Variants in LRRC28 observed in about 807,000 individuals in gnomAD.
LRRC28 encodes the protein leucine-rich repeat-containing protein 28.
In LRRC28, 39 loss-of-function variants were observed where a neutral mutation model predicts 45.7. The ratio of observed to expected loss-of-function variants is 0.85; its 90% CI spans 0.66 to 1.12. The LOEUF is 1.12. Among genes scored for constraint, LRRC28 ranks in the 50% most tolerant of loss-of-function variants. The probability of loss-of-function intolerance (pLI) is 0.00; values close to 1 mark genes in which losing one functional copy is unlikely to be tolerated. For synonymous variants in LRRC28, 206 were observed against 178.8 expected, an observed-to-expected ratio of 1.15 and a Z score of -1.22; for missense variants, 435 against 438.5, an observed-to-expected ratio of 0.99 and a Z score of 0.07.
At chr15:99,300,879 T>C (rs931424390) in intron 5 of LRRC28, among the ~76,000 whole-genome samples, 8 of 152,222 alleles carry the variant, frequency 5.3e-5, no homozygotes, top group African/African-American at 1.4e-4. Context: ...GTTGCATATA[T>C]GTCCTGAACC....
At chr15:99,366,858 A>G (rs560083283) in intron 9 of LRRC28, among the ~76,000 whole-genome samples, 2 of 151,284 alleles carry the variant, frequency 1.3e-5, no homozygotes, top group Admixed American at 6.6e-5. Flanking sequence ...AACCCATAAC[A>G]GTCTGCGTTC....
intron 5 of LRRC28, among the ~76,000 whole-genome samples, chr15:99,309,401 G>A: frequency 6.6e-6 from 1 of 151,920 alleles, no homozygotes; most frequent in Non-Finnish European, 1.5e-5. Flanking sequence ...TATAACTGAG[G>A]GAAGATGTCT....
intron 2 of LRRC28, chr15:99,257,680 G>C: frequency 1.3e-6 from 1 of 756,230 alleles, no homozygotes; most frequent in Non-Finnish European, 2.5e-6. Flanking sequence ...CTGACCTTCG[G>C]GTCGGTCAGA....
intron 5 of LRRC28, among the ~76,000 whole-genome samples, chr15:99,315,860 G>A (rs556697322): frequency 6.2e-4 from 94 of 152,108 alleles, no homozygotes; most frequent in Non-Finnish European, 1.1e-3. Flanking sequence ...ATAGTGAGTC[G>A]TACATTCCAG....
intron 9 of LRRC28, among the ~76,000 whole-genome samples, chr15:99,376,169 T>C (rs1422016174): frequency 6.6e-6 from 1 of 152,186 alleles, no homozygotes; most frequent in East Asian, 1.9e-4. Context: ...TTTCATCTTC[T>C]TTCAGTTTGT....
Position 99,285,141 on chromosome 15 carries a change from G to T in LRRC28, c.210-2116G>T, listed in dbSNP as rs761637474. 1.3e-4 allele frequency: 96 copies of T among 719,678 alleles called. 1 individual carries two copies. The highest frequency in any genetic ancestry group is 1.3e-3 in the South Asian group (95 of 74,050). 44.6% of individuals were successfully genotyped at this position (719,678 alleles called of 1,614,324 possible). On this transcript the variant is annotated intron_variant, in intron 3 of 9. Transcript: ENST00000301981. ...GGTCATCAAAGGTTACAAAATCAAA[G>T]CCCCTTTTCTTGTCACTGCCTCAGT...
chr15:99,315,992 G>C (rs1016587359), intron 5 of LRRC28, among the ~76,000 whole-genome samples: 9 of 152,132 alleles, frequency 5.9e-5, no homozygotes, highest in African/African-American at 2.2e-4. Flanking sequence ...GTAACAAAAA[G>C]CATCATACAT....
chr15:99,371,869 A>C (rs944155831), intron 9 of LRRC28, among the ~76,000 whole-genome samples: 2 of 152,290 alleles, frequency 1.3e-5, no homozygotes, highest in African/African-American at 4.8e-5. Flanking sequence ...CTTTGACCCC[A>C]CCACCTAATT....
intron 3 of LRRC28, chr15:99,285,466 C>G (rs185525932): frequency 1.2e-6 from 1 of 857,102 alleles, no homozygotes; most frequent in South Asian, 1.4e-5. Flanking sequence ...CGTGAGCGTT[C>G]CCCATTGCTC....
At chr15:99,304,384 T>A (rs542105351) in intron 5 of LRRC28, among the ~76,000 whole-genome samples, 7 of 152,236 alleles carry the variant, frequency 4.6e-5, no homozygotes, top group African/African-American at 1.7e-4. Context: ...GAGCAAAACT[T>A]ATTTTTCCTT....
Position 99,386,262 on chromosome 15 carries a change from C to G in LRRC28, c.*160C>G, listed in dbSNP as rs999050572. 1 of 602,876 alleles carries G rather than the reference C, an allele frequency of 1.7e-6. No homozygotes were observed. Among genetic ancestry groups the G allele is most frequent in the African/African-American group, 1.8e-5 (1 of 54,710 alleles). 37.3% of individuals were successfully genotyped at this position (602,876 alleles called of 1,614,324 possible). ...AGAGCTAAAATGCCTTCACCCTTCC[C>G]CCAAGTTGGAATATATCCTCCCCCA... On this transcript the variant is annotated 3_prime_UTR_variant, in exon 10 of 10. Coordinates refer to ENST00000301981, the MANE Select transcript of LRRC28 (RefSeq NM_144598.5).
intron 8 of LRRC28, 133 bp from the exon 9 acceptor site, chr15:99,362,973 A>G (rs899770710): frequency 6.1e-6 from 6 of 991,336 alleles, no homozygotes; most frequent in Non-Finnish European, 8.8e-6. Context: ...GTGTGTATCA[A>G]TCAGATAACA....
At chr15:99,383,082 C>T (rs1242673135) in intron 9 of LRRC28, among the ~76,000 whole-genome samples, 1 of 152,158 alleles carries the variant, frequency 6.6e-6, no homozygotes. Context: ...ATTTTCTCAC[C>T]CATACGGAAA....
At chr15:99,327,201 A>T (rs1168583889) in intron 5 of LRRC28, among the ~76,000 whole-genome samples, 1 of 151,966 alleles carries the variant, frequency 6.6e-6, no homozygotes, top group African/African-American at 2.4e-5. Context: ...TAGCCTCCTG[A>T]GTAGCTGGGA....
chr15:99,253,815 G>C (rs1317148639), intron 1 of LRRC28, among the ~76,000 whole-genome samples: 1 of 152,228 alleles, frequency 6.6e-6, no homozygotes, highest in Non-Finnish European at 1.5e-5. Flanking sequence ...GGTTTTGGCA[G>C]ATGGAGAGAT....
intron 5 of LRRC28, among the ~76,000 whole-genome samples, chr15:99,321,398 C>G (rs1465334325): frequency 6.6e-6 from 1 of 152,138 alleles, no homozygotes; most frequent in Non-Finnish European, 1.5e-5. Flanking sequence ...ATCACACACA[C>G]AAATTTGAAA....
chr15:99,357,262 A>G (rs1220253923), intron 7 of LRRC28, among the ~76,000 whole-genome samples: 4 of 152,252 alleles, frequency 2.6e-5, no homozygotes, highest in Admixed American at 2.0e-4. Context: ...TCTCCTCACT[A>G]TAATAGGCCC....
chr15:99,385,775 T>C (rs1221348802), intron 9 of LRRC28, among the ~76,000 whole-genome samples: 1 of 152,006 alleles, frequency 6.6e-6, no homozygotes, highest in Non-Finnish European at 1.5e-5. Flanking sequence ...GTTTCTACTT[T>C]AGGGATAATA....
intron 9 of LRRC28, among the ~76,000 whole-genome samples, chr15:99,373,420 A>G (rs1422531221): frequency 6.6e-6 from 1 of 152,048 alleles, no homozygotes; most frequent in Non-Finnish European, 1.5e-5. Flanking sequence ...TACATAGTAG[A>G]TATATATATT....
Sources: gnomAD v4.1 joint callset for allele counts (sites outside exome capture counted in the v4.1 genomes callset) on GRCh38, gnomAD v4.1.1 for gene constraint, MANE v1.5 for transcripts, NCBI Gene and HGNC (gene_info 2026-07-23, HGNC 2026-07-21) for gene names.